Variants in EXOC2 observed in about 807,000 individuals in gnomAD.
EXOC2 encodes the protein exocyst complex component 2.
Under a neutral mutation model 131.8 loss-of-function variants are expected in EXOC2, and 70 were observed. That is an observed-to-expected ratio of 0.53 (90% CI 0.44 to 0.65). The LOEUF is 0.65. EXOC2 is among the 30% of genes least tolerant of loss of function. The pLI is 0.00. For missense variants in EXOC2, 923 were observed against 1,108.6 expected, an observed-to-expected ratio of 0.83 and a Z score of 2.38; for synonymous variants, 411 against 398.4, an observed-to-expected ratio of 1.03 and a Z score of -0.38.
At position 599,181 on chromosome 6, in the gene EXOC2, G is replaced by C. The variant is rs994409853; in HGVS notation, c.787C>G (p.Arg263Gly). 8.7e-6 allele frequency: 14 copies of C among 1,610,082 alleles called. No individual in the cohort carries two copies. Among genetic ancestry groups the C allele is most frequent in the Non-Finnish European group, 1.0e-5 (12 of 1,177,650 alleles). The change falls in exon 8 of 28, where the codon CGG (arginine) becomes GGG (glycine). Residue 263 changes from arginine to glycine, a missense_variant. Coordinates refer to ENST00000230449, the MANE Select transcript of EXOC2 (RefSeq NM_018303.6). ...ADTLFQEVLGRKDKADSTRNA... is the reference protein window; with the variant it reads ...ADTLFQEVLGGKDKADSTRNA... The stretch of plus-strand genomic sequence containing the variant: ...CTAGTGGAATCTGCCTTGTCTTTCC[G>C]ACCTAATACTTCTTGAAACAATGTG...
chr6:498,043 G>T (rs1250947433), intron 24 of EXOC2, among the ~76,000 whole-genome samples: 1 of 152,154 alleles, frequency 6.6e-6, no homozygotes, highest in African/African-American at 2.4e-5. Context: ...TTCAAACTGA[G>T]AGTTACTGTC....
At chr6:597,230 A>C (rs1208875212) in intron 10 of EXOC2, among the ~76,000 whole-genome samples, 1 of 151,918 alleles carries the variant, frequency 6.6e-6, no homozygotes, top group Non-Finnish European at 1.5e-5. Context: ...GCTGGAGTGC[A>C]GTGGTGTGAG....
At chr6:564,758 T>C in intron 14 of EXOC2, 56 bp from the exon 15 acceptor site, 1 of 1,573,692 alleles carries the variant, frequency 6.4e-7, no homozygotes, top group South Asian at 1.2e-5. Flanking sequence ...CGGGTTACAT[T>C]AACTAAAAGA....
intron 23 of EXOC2, among the ~76,000 whole-genome samples, chr6:511,098 C>T (rs1414585699): frequency 6.6e-6 from 1 of 152,228 alleles, no homozygotes; most frequent in Non-Finnish European, 1.5e-5. Context: ...GGGGTCCTGA[C>T]CCCTATTTTC....
intron 1 of EXOC2, among the ~76,000 whole-genome samples, chr6:644,871 C>T (rs2066192283): frequency 6.6e-6 from 1 of 152,068 alleles, no homozygotes; most frequent in Non-Finnish European, 1.5e-5. Context: ...ATATCATGAC[C>T]ATGGATCAGA....
chr6:542,214 G>C (rs1426285953), intron 22 of EXOC2, among the ~76,000 whole-genome samples: 1 of 152,040 alleles, frequency 6.6e-6, no homozygotes, highest in Non-Finnish European at 1.5e-5. Context: ...GGAGCACCTG[G>C]GTTCATTTTA....
intron 7 of EXOC2, among the ~76,000 whole-genome samples, chr6:600,344 T>C (rs1171842535): frequency 6.6e-6 from 1 of 152,214 alleles, no homozygotes; most frequent in African/African-American, 2.4e-5. Context: ...ATTTCCTTCT[T>C]GCCACCAAAC....
chr6:570,740 C>T (rs1463005774), intron 13 of EXOC2, among the ~76,000 whole-genome samples: 1 of 152,204 alleles, frequency 6.6e-6, no homozygotes, highest in Non-Finnish European at 1.5e-5. Context: ...CCTAAGGTCA[C>T]GGCTAGGAAG....
intron 10 of EXOC2, among the ~76,000 whole-genome samples, chr6:596,099 G>C (rs1759804107): frequency 1.3e-5 from 2 of 152,062 alleles, no homozygotes; most frequent in South Asian, 4.2e-4. Flanking sequence ...TGGTGATCAG[G>C]ATTAGAGAGG....
At chr6:518,933 G>A (rs142628094) in intron 23 of EXOC2, among the ~76,000 whole-genome samples, 1 of 152,298 alleles carries the variant, frequency 6.6e-6, no homozygotes, top group African/African-American at 2.4e-5. Flanking sequence ...AAAGATTATT[G>A]ACTTAGGCTT....
intron 1 of EXOC2, chr6:656,333 A>G (rs1421303913): frequency 6.2e-7 from 1 of 1,614,190 alleles, no homozygotes. Context: ...CAAGATTTTT[A>G]AAATAACTTT....
At chr6:495,226 C>A (rs4642520) in intron 25 of EXOC2, among the ~76,000 whole-genome samples, 49 of 151,248 alleles carry the variant, frequency 3.2e-4, no homozygotes, top group African/African-American at 1.2e-3. Context: ...CCAGGGTTCA[C>A]GCCATTCTCC....
At chr6:556,094 A>G (rs1163217372) in intron 18 of EXOC2, 81 bp from the exon 19 acceptor site, 1 of 1,297,744 alleles carries the variant, frequency 7.7e-7, no homozygotes, top group Non-Finnish European at 1.1e-6. Flanking sequence ...ATGAACAGTT[A>G]AAACGTGGAA....
chr6:540,578 G>C (rs1766754838), intron 22 of EXOC2, among the ~76,000 whole-genome samples: 1 of 151,854 alleles, frequency 6.6e-6, no homozygotes, highest in Non-Finnish European at 1.5e-5. Flanking sequence ...AAGAAACAAG[G>C]AACAAAAAGA....
chr6:492,560 T>G (rs893905180), intron 25 of EXOC2, among the ~76,000 whole-genome samples: 1 of 152,198 alleles, frequency 6.6e-6, no homozygotes, highest in Non-Finnish European at 1.5e-5. Context: ...AAGTGGAATA[T>G]TATATGTAAA....
chr6:594,700 C>T (rs1030761718), intron 10 of EXOC2, among the ~76,000 whole-genome samples: 22 of 152,074 alleles, frequency 1.4e-4, no homozygotes, highest in African/African-American at 4.8e-4. Flanking sequence ...ATCTTATTAA[C>T]GGGTATTAAA....
chr6:529,412 AGTC>A (rs1765941867), intron 23 of EXOC2, among the ~76,000 whole-genome samples: 1 of 140,938 alleles, frequency 7.1e-6, no homozygotes, highest in African/African-American at 2.5e-5. Context: ...GGCAAAGAAA[AGTC>A]TTCTTCTGCA....
intron 23 of EXOC2, among the ~76,000 whole-genome samples, chr6:502,200 A>C (rs1337047240): frequency 2.0e-5 from 3 of 152,198 alleles, no homozygotes; most frequent in Non-Finnish European, 4.4e-5. Flanking sequence ...GCTATTTTCG[A>C]TGCTCTAAGG....
At chr6:679,351 A>G in intron 1 of EXOC2, 1 of 152,342 alleles carries the variant, frequency 6.6e-6, no homozygotes, top group East Asian at 1.9e-4. Flanking sequence ...CAACGAACAT[A>G]AAGACAAAAC....
Sources: allele counts gnomAD v4.1 joint callset (sites outside exome capture counted in the v4.1 genomes callset), GRCh38; gene constraint gnomAD v4.1.1; transcripts MANE v1.5; gene names NCBI Gene and HGNC (gene_info 2026-07-23, HGNC 2026-07-21).